The following SCML4 variants were observed in gnomAD, a reference collection of about 807,000 sequenced individuals.
SCML4 encodes the protein Scm polycomb group protein like 4, also known as sex comb on midleg-like protein 4.
In SCML4, 34 loss-of-function variants were observed where a neutral mutation model predicts 41.1. The ratio of observed to expected loss-of-function variants is 0.83; its 90% CI spans 0.63 to 1.10. The LOEUF (loss-of-function observed/expected upper bound fraction) is 1.10. SCML4 is among the 50% of genes least tolerant of loss of function. The pLI is 0.00. For synonymous variants in SCML4, 214 were observed against 220.9 expected (o/e 0.97, Z 0.28); for missense variants, 522 against 534.1 (o/e 0.98, Z 0.22).
chr6:107,730,427 C>T (rs1422545434), intron 5 of SCML4, among the ~76,000 whole-genome samples: 2 of 152,190 alleles, frequency 1.3e-5, no homozygotes, highest in East Asian at 3.8e-4. Context: ...CAAGAGGCTC[C>T]AACCCAGCCT....
At position 107,759,148 on chromosome 6, in the gene SCML4, A is replaced by C. The variant is rs1359163615; in HGVS notation, c.157-9335T>G. Among the ~76,000 whole-genome samples, 3 of 150,956 alleles carry C rather than the reference A, an allele frequency of 2.0e-5. No homozygotes were observed. In the East Asian group the frequency reaches 5.8e-4, roughly 29 times the overall value. Reference sequence around the variant, plus strand: ...CAAAAAATACAAAAAAAAAAAAAAAAAAAAAACCTGAAACAAAACAAAACA... The same window carrying C: ...CAAAAAATACAAAAAAAAAAAAAAACAAAAAACCTGAAACAAAACAAAACA... On this transcript the variant is annotated intron_variant, in intron 2 of 7. Coordinates refer to ENST00000369020, the MANE Select transcript of SCML4 (RefSeq NM_198081.5).
intron 5 of SCML4, chr6:107,732,370 T>C (rs1776648973): frequency 6.6e-6 from 1 of 152,272 alleles, no homozygotes; most frequent in South Asian, 2.1e-4. Context: ...GGATTTTCTC[T>C]CTAAGGTTGT....
At chr6:107,720,591 C>A in intron 6 of SCML4, 112 bp downstream of exon 6, 2 of 1,440,116 alleles carry the variant, frequency 1.4e-6, no homozygotes, top group South Asian at 1.7e-5. Flanking sequence ...TTCTGATCTC[C>A]CAGCAGTCCC....
intron 1 of SCML4, among the ~76,000 whole-genome samples, chr6:107,820,015 C>CA (rs1784829320): frequency 6.6e-6 from 1 of 152,228 alleles, no homozygotes; most frequent in Non-Finnish European, 1.5e-5. Context: ...TCCGCGGCAG[C>CA]AAAGGGCTTC....
chr6:107,719,818 G>A lies in SCML4; in HGVS notation c.973+885C>T, dbSNP rs1775189495. 7 of 849,316 alleles carry A rather than the reference G, an allele frequency of 8.2e-6. No individual in the cohort carries two copies. In the South Asian group the frequency reaches 3.2e-4, roughly 39 times the overall value. The allele number at this position is 849,316 out of a possible 1,614,324, so 52.6% of individuals were successfully genotyped here. A position where few individuals can be genotyped will look rare whatever the true frequency, so the allele number is the denominator to read the frequency against. On this transcript the variant is annotated intron_variant, in intron 6 of 7. Coordinates refer to ENST00000369020, the MANE Select transcript of SCML4 (RefSeq NM_198081.5). ...AGGTAGGCAGGAAGCAGCAGATCCAGCATCTCAGCCCAGGCTGTCTGGCTC... is the reference window on the plus strand; with the variant it reads ...AGGTAGGCAGGAAGCAGCAGATCCAACATCTCAGCCCAGGCTGTCTGGCTC...
chr6:107,794,489 G>C (rs1782566254), intron 1 of SCML4, among the ~76,000 whole-genome samples: 1 of 152,052 alleles, frequency 6.6e-6, no homozygotes, highest in African/African-American at 2.4e-5. Context: ...CAGTGATTAT[G>C]TACAGTTATT....
chr6:107,705,498 A>G (rs1358896258), intron 7 of SCML4, among the ~76,000 whole-genome samples, 173 bp from the exon 8 acceptor site: 1 of 152,076 alleles, frequency 6.6e-6, no homozygotes, highest in Non-Finnish European at 1.5e-5. Flanking sequence ...GCAAACAAAT[A>G]CTGTGTTCTC....
chr6:107,844,155 G>C, the SCML4 span, among the ~76,000 whole-genome samples: 1 of 152,108 alleles, frequency 6.6e-6, no homozygotes, highest in South Asian at 2.1e-4. Context: ...ATGCAACAAA[G>C]CTATTAAATG....
chr6:107,743,194 T>A (rs573669348), intron 5 of SCML4, among the ~76,000 whole-genome samples: 1 of 152,336 alleles, frequency 6.6e-6, no homozygotes, highest in South Asian at 2.1e-4. Context: ...TAAAAACCTA[T>A]AATAGATTCA....
At chr6:107,781,560 T>C (rs1426606853) in intron 1 of SCML4, among the ~76,000 whole-genome samples, 1 of 152,016 alleles carries the variant, frequency 6.6e-6, no homozygotes, top group Non-Finnish European at 1.5e-5. Flanking sequence ...AGTGGGAGGA[T>C]TGCTGGAGCC....
intron 2 of SCML4, among the ~76,000 whole-genome samples, chr6:107,751,617 T>TCTTTCTTTCTTC (rs1778664436): frequency 6.8e-6 from 1 of 147,862 alleles, no homozygotes; most frequent in South Asian, 2.2e-4. Flanking sequence ...TTTCTTTCTT[T>TCTTTCTTTCTTC]CTTTCTTTCT....
intron 2 of SCML4, among the ~76,000 whole-genome samples, chr6:107,753,949 G>A (rs1324713145): frequency 6.6e-6 from 1 of 152,204 alleles, no homozygotes; most frequent in Non-Finnish European, 1.5e-5. Flanking sequence ...GCTTGCAGAA[G>A]GTCTCTTCCC....
At chr6:107,775,088 T>C (rs942877858) in intron 1 of SCML4, among the ~76,000 whole-genome samples, 1 of 152,068 alleles carries the variant, frequency 6.6e-6, no homozygotes, top group Non-Finnish European at 1.5e-5. Context: ...AAACAGGTCA[T>C]TTACAGTGGA....
chr6:107,805,576 C>T (rs1381776988), intron 1 of SCML4, among the ~76,000 whole-genome samples: 1 of 152,154 alleles, frequency 6.6e-6, no homozygotes, highest in Non-Finnish European at 1.5e-5. Context: ...TTTTATGGGC[C>T]CTGGTGTTTC....
At chr6:107,840,450 C>G in the SCML4 span, among the ~76,000 whole-genome samples, 1 of 152,158 alleles carries the variant, frequency 6.6e-6, no homozygotes, top group Non-Finnish European at 1.5e-5. Flanking sequence ...TCCTTCTAAC[C>G]TATGATAGCT....
intron 2 of SCML4, among the ~76,000 whole-genome samples, chr6:107,767,758 C>T (rs1476221692): frequency 6.6e-6 from 1 of 152,188 alleles, no homozygotes; most frequent in East Asian, 1.9e-4. Flanking sequence ...CGTTTCCTAG[C>T]TTCCCTTGTA....
chr6:107,724,957 A>T (rs1014425294), intron 5 of SCML4, among the ~76,000 whole-genome samples: 1 of 152,194 alleles, frequency 6.6e-6, no homozygotes, highest in Non-Finnish European at 1.5e-5. Flanking sequence ...GACAAATATC[A>T]CATGTTCTCA....
intron 5 of SCML4, among the ~76,000 whole-genome samples, chr6:107,724,261 T>C (rs1775732902): frequency 6.6e-6 from 1 of 152,128 alleles, no homozygotes. Context: ...AAAGAGACGG[T>C]CCATTCCAGC....
rs1328184565 is a variant in SCML4 at position 107,743,337 on chromosome 6, T to G, written c.682+1612A>C. Among the ~76,000 whole-genome samples the G allele has an allele frequency of 2.0e-5, 3 of 152,258 alleles. No individual in the cohort carries two copies. The East Asian group carries it at 5.8e-4, about 29-fold the overall frequency. On this transcript the variant is annotated intron_variant, in intron 5 of 7. Coordinates refer to ENST00000369020, the MANE Select transcript of SCML4 (RefSeq NM_198081.5). ...TCATCCGTAGTCAGGGAAGAACTAG[T>G]CCCGCAGGATACAATTAGAGGACAA... is the stretch of plus-strand genomic sequence containing the variant.
Sources: allele counts gnomAD v4.1 joint callset (sites outside exome capture counted in the v4.1 genomes callset), GRCh38; gene constraint gnomAD v4.1.1; transcripts MANE v1.5; gene names NCBI Gene and HGNC (gene_info 2026-07-23, HGNC 2026-07-21).